The following SIDT1 variants were observed in gnomAD, a reference collection of about 807,000 sequenced individuals.
SIDT1 encodes the protein SID1 transmembrane family member 1, also known as SID1 transmembrane family, member 1.
Under a neutral mutation model 107.5 loss-of-function variants are expected in SIDT1, and 101 were observed. The ratio of observed to expected loss-of-function variants is 0.94; its 90% CI spans 0.80 to 1.11. The LOEUF (loss-of-function observed/expected upper bound fraction) is 1.11. SIDT1 is among the 50% of genes least tolerant of loss of function. The probability of loss-of-function intolerance (pLI) is 0.00; values close to 1 mark genes in which losing one functional copy is unlikely to be tolerated. For synonymous variants in SIDT1, 395 were observed against 398.2 expected, an observed-to-expected ratio of 0.99 and a Z score of 0.10; for missense variants, 1,076 against 1,058.2, an observed-to-expected ratio of 1.02 and a Z score of -0.23.
chr3:113,582,962 C>T lies in SIDT1; in HGVS notation c.748-447C>T, dbSNP rs191855470. ...ACATAGAGAAACATACTTAGAGTAA[C>T]TCAAAGCCAAGATGATAACTGAGTC... On this transcript the variant is annotated intron_variant, in intron 6 of 24. Coordinates refer to ENST00000264852, the MANE Select transcript of SIDT1 (RefSeq NM_017699.3). Among the ~76,000 whole-genome samples, 427 of 152,098 alleles carry T rather than the reference C, an allele frequency of 2.8e-3. 4 individuals are homozygous for T. The highest frequency in any genetic ancestry group is 8.8e-3 in the Admixed American group (134 of 15,284).
chr3:113,604,208 C>A (rs1945163481), intron 13 of SIDT1, among the ~76,000 whole-genome samples, 175 bp downstream of exon 13: 1 of 152,172 alleles, frequency 6.6e-6, no homozygotes, highest in Non-Finnish European at 1.5e-5. Flanking sequence ...GACACAGCCT[C>A]CCTCCCAGCC....
In SIDT1 at chr3:113,592,871, C is replaced by G. The variant is rs534185047; in HGVS notation, c.1002-134C>G. 6.9e-5 allele frequency: 51 copies of G among 743,862 alleles called. 1 individual carries two copies. In the East Asian group the frequency reaches 1.1e-3, roughly 17 times the overall value. 46.1% of individuals were successfully genotyped at this position (743,862 alleles called of 1,614,324 possible). On this transcript the variant is annotated intron_variant, in intron 9 of 24. Transcript: ENST00000264852. ...AAAGTGCTGGGATTACAGGTGTGTG[C>G]CACCGCACCTGGCCCCAAAGACATG...
chr3:113,626,570 T>A (rs1290520573), intron 24 of SIDT1, among the ~76,000 whole-genome samples: 2 of 152,206 alleles, frequency 1.3e-5, no homozygotes, highest in Non-Finnish European at 2.9e-5. Flanking sequence ...TCTTATGCCA[T>A]ACTCACATTC....
chr3:113,559,868 C>T (rs1941261232), intron 1 of SIDT1, among the ~76,000 whole-genome samples: 1 of 152,084 alleles, frequency 6.6e-6, no homozygotes, highest in Admixed American at 6.5e-5. Context: ...GTACAAACAT[C>T]CCTAGTCTGT....
At chr3:113,597,020 A>G (rs1417157201) in intron 10 of SIDT1, among the ~76,000 whole-genome samples, 3 of 152,136 alleles carry the variant, frequency 2.0e-5, no homozygotes, top group African/African-American at 4.8e-5. Flanking sequence ...TTCAGTGACA[A>G]AGGGTCTCAA....
chr3:113,597,405 G>A (rs760911387), intron 10 of SIDT1, among the ~76,000 whole-genome samples: 2 of 151,090 alleles, frequency 1.3e-5, no homozygotes, highest in African/African-American at 4.9e-5. Flanking sequence ...GCTGAGGCAG[G>A]GGAATCACTT....
chr3:113,597,976 A>T (rs1944695200), intron 10 of SIDT1, among the ~76,000 whole-genome samples: 1 of 152,244 alleles, frequency 6.6e-6, no homozygotes, highest in Non-Finnish European at 1.5e-5. Flanking sequence ...TGCATTCTTA[A>T]AAGGCTTTAG....
chr3:113,609,487 G>T (rs1357419250), intron 17 of SIDT1, among the ~76,000 whole-genome samples: 1 of 152,162 alleles, frequency 6.6e-6, no homozygotes, highest in Non-Finnish European at 1.5e-5. Flanking sequence ...TGGAGCCAAA[G>T]GTGGGATTAG....
In SIDT1 at chr3:113,608,182, C is replaced by A. The variant is rs146992283; in HGVS notation, c.1567C>A (p.Arg523=). 3.1e-6 allele frequency: 5 copies of A among 1,608,696 alleles called. No individual in the cohort carries two copies. In the African/African-American group the frequency reaches 4.0e-5, roughly 13 times the overall value. ...LIVLRRDILH[R]RALEAKDIFA... is the part of the protein sequence containing the mutation. ...AGTCTTGCGCCGCGACATCCTCCAT[C>A]GGAGAGCCCTGGAAGCCAAGGACAT... The change falls in exon 16 of 25, where the codon CGG becomes AGG. Residue 523 remains arginine, a synonymous_variant. Transcript: ENST00000264852.
At chr3:113,539,045 A>G (rs1291484773) in intron 1 of SIDT1, among the ~76,000 whole-genome samples, 1 of 152,186 alleles carries the variant, frequency 6.6e-6, no homozygotes, top group African/African-American at 2.4e-5. Flanking sequence ...GAATACTTCT[A>G]TAACGGGAAA....
intron 1 of SIDT1, among the ~76,000 whole-genome samples, chr3:113,560,085 C>A (rs774399193): frequency 6.6e-6 from 1 of 152,068 alleles, no homozygotes; most frequent in African/African-American, 2.4e-5. Context: ...TGGAGAGGTG[C>A]CATCATGTCT....
chr3:113,614,618 C>A (rs1945978201), intron 19 of SIDT1, among the ~76,000 whole-genome samples: 1 of 152,202 alleles, frequency 6.6e-6, no homozygotes, highest in South Asian at 2.1e-4. Flanking sequence ...TCTGTGGCCC[C>A]TCGGGCTACA....
At chr3:113,615,549 A>G (rs540456511) in intron 19 of SIDT1, among the ~76,000 whole-genome samples, 8 of 152,136 alleles carry the variant, frequency 5.3e-5, no homozygotes, top group Non-Finnish European at 1.0e-4. Context: ...TTTTCTCCCC[A>G]TCTTAACTTA....
At chr3:113,560,394 G>A (rs545445325) in intron 1 of SIDT1, among the ~76,000 whole-genome samples, 32 of 152,282 alleles carry the variant, frequency 2.1e-4, no homozygotes, top group African/African-American at 5.8e-4. Context: ...ACTAGATTGC[G>A]AGCCTCCTCG....
intron 20 of SIDT1, among the ~76,000 whole-genome samples, chr3:113,619,366 T>C (rs1946309686): frequency 6.6e-6 from 1 of 152,182 alleles, no homozygotes; most frequent in South Asian, 2.1e-4. Flanking sequence ...AATCAACACA[T>C]ACCACCAGCC....
chr3:113,599,873 A>G (rs146975507), intron 10 of SIDT1, among the ~76,000 whole-genome samples: 1 of 152,270 alleles, frequency 6.6e-6, no homozygotes, highest in African/African-American at 2.4e-5. Flanking sequence ...AAGAGAGTAG[A>G]TTTTAGGTGC....
chr3:113,546,765 C>T (rs1272237618), intron 1 of SIDT1, among the ~76,000 whole-genome samples: 1 of 152,098 alleles, frequency 6.6e-6, no homozygotes, highest in Non-Finnish European at 1.5e-5. Flanking sequence ...GTCTTTGTTG[C>T]TGGAAGATAC....
At position 113,580,646 on chromosome 3, in the gene SIDT1, T is replaced by C; in HGVS notation, c.600T>C (p.Val200=). ...AGTTTCCCAAAGACGTGGACTCAGTTATCATTAAAGTGGTGTCTGAAATGG... is the reference window on the plus strand; with the variant it reads ...AGTTTCCCAAAGACGTGGACTCAGTCATCATTAAAGTGGTGTCTGAAATGG... The part of the protein sequence containing the change: ...LYKFPKDVDS[V]IIKVVSEMAY... The change falls in exon 5 of 25, where the codon GTT becomes GTC. Residue 200 remains valine, a synonymous_variant. Transcript: ENST00000264852. 1 of 1,612,914 alleles carries C rather than the reference T, an allele frequency of 6.2e-7. No homozygotes were observed.
At chr3:113,612,041 C>T in intron 18 of SIDT1, 45 bp from the exon 19 acceptor site, 2 of 1,422,724 alleles carry the variant, frequency 1.4e-6, no homozygotes, top group South Asian at 1.2e-5. Context: ...GATGAGTTTT[C>T]TAGGGAAAAC....
Sources: allele counts gnomAD v4.1 joint callset (sites outside exome capture counted in the v4.1 genomes callset), GRCh38; gene constraint gnomAD v4.1.1; transcripts MANE v1.5; gene names NCBI Gene and HGNC (gene_info 2026-07-23, HGNC 2026-07-21).